The following PRKCA variants were observed in gnomAD, a reference collection of about 807,000 sequenced individuals.
The protein encoded by PRKCA is protein kinase C alpha type.
PRKCA carries 27 observed loss-of-function variants against 87.0 expected under a neutral mutation model. The ratio of observed to expected loss-of-function variants is 0.31; its 90% CI spans 0.23 to 0.43. The LOEUF (loss-of-function observed/expected upper bound fraction) is 0.43. Ranked by LOEUF, PRKCA falls within the 20% of genes least tolerant of loss-of-function variation. PRKCA has a pLI of 1.00. For synonymous variants in PRKCA, 329 were observed against 311.1 expected, an observed-to-expected ratio of 1.06 and a Z score of -0.61; for missense variants, 518 against 852.3, an observed-to-expected ratio of 0.61 and a Z score of 4.88.
chr17:66,459,278 G>A (rs1191427648), intron 2 of PRKCA, among the ~76,000 whole-genome samples: 1 of 152,040 alleles, frequency 6.6e-6, no homozygotes, highest in Non-Finnish European at 1.5e-5. Context: ...CTACTCAGGA[G>A]GCTGAGGCAG....
intron 2 of PRKCA, among the ~76,000 whole-genome samples, chr17:66,468,248 A>G (rs1023359873): frequency 2.0e-5 from 3 of 152,214 alleles, no homozygotes; most frequent in African/African-American, 7.2e-5. Flanking sequence ...AAAAAGATAT[A>G]CAGGTGAAAA....
intron 8 of PRKCA, among the ~76,000 whole-genome samples, chr17:66,719,564 C>G (rs1456909857): frequency 6.6e-6 from 1 of 152,162 alleles, no homozygotes; most frequent in Non-Finnish European, 1.5e-5. Flanking sequence ...GTCAGGACCT[C>G]GAGACCAGCC....
At chr17:66,733,148 CAAA>C (rs34064109) in intron 9 of PRKCA, among the ~76,000 whole-genome samples, 27 of 99,362 alleles carry the variant, frequency 2.7e-4, no homozygotes, top group Non-Finnish European at 2.7e-4. Flanking sequence ...GACTCCGTCT[CAAA>C]AAAAAAAAAA....
chr17:66,306,846 G>A (rs186032307), intron 2 of PRKCA, among the ~76,000 whole-genome samples: 1 of 152,238 alleles, frequency 6.6e-6, no homozygotes, highest in Admixed American at 6.5e-5. Context: ...AGCTTGTGAA[G>A]GCATCACAGG....
intron 13 of PRKCA, among the ~76,000 whole-genome samples, chr17:66,747,649 T>C (rs1206816100): frequency 6.6e-6 from 1 of 152,174 alleles, no homozygotes; most frequent in Non-Finnish European, 1.5e-5. Flanking sequence ...ATTGTCTCCA[T>C]AGATATGGGA....
intron 8 of PRKCA, among the ~76,000 whole-genome samples, chr17:66,710,769 C>T (rs914219475): frequency 6.6e-6 from 1 of 152,072 alleles, no homozygotes; most frequent in African/African-American, 2.4e-5. Context: ...GTGGCTCACA[C>T]CTGTAATCCC....
At chr17:66,789,147 G>A (rs1015534128) in intron 16 of PRKCA, among the ~76,000 whole-genome samples, 168 bp downstream of exon 16, 3 of 152,210 alleles carry the variant, frequency 2.0e-5, no homozygotes, top group East Asian at 1.9e-4. Flanking sequence ...CTCAGCAGCC[G>A]GGATTCCTGC....
At chr17:66,426,892 A>C (rs9900927) in intron 2 of PRKCA, among the ~76,000 whole-genome samples, 129,132 of 152,146 alleles carry the variant, frequency 0.85, 55,571 homozygotes, top group South Asian at 0.96. Context: ...GGAAACAGGA[A>C]CTTCGTAGGT....
intron 13 of PRKCA, among the ~76,000 whole-genome samples, chr17:66,761,865 C>T (rs1372469306): frequency 6.6e-6 from 1 of 152,040 alleles, no homozygotes; most frequent in East Asian, 1.9e-4. Flanking sequence ...GTTTGGTAAT[C>T]TGTGATACCT....
chr17:66,799,475 G>A (rs865822113), intron 16 of PRKCA, among the ~76,000 whole-genome samples: 4 of 33,842 alleles, frequency 1.2e-4, no homozygotes, highest in Non-Finnish European at 1.4e-4. Context: ...GGTGATGGTG[G>A]TGGTGGTGAT....
chr17:66,399,321 T>C, intron 2 of PRKCA, among the ~76,000 whole-genome samples: 1 of 152,078 alleles, frequency 6.6e-6, no homozygotes, highest in Non-Finnish European at 1.5e-5. Flanking sequence ...GCTCAAGTGA[T>C]CCGCCCACAT....
At position 66,809,698 on chromosome 17, in the gene PRKCA, T is replaced by C. The variant is rs1324271870; in HGVS notation, c.*5661T>C. The C allele has an allele frequency of 2.6e-5, 4 of 152,086 alleles. No homozygotes were observed. Among genetic ancestry groups the C allele is most frequent in the Admixed American group, 2.0e-4 (3 of 15,278 alleles). The allele number at this position is 152,086 out of a possible 1,614,324, so 9.4% of individuals were successfully genotyped here. On this transcript the variant is annotated 3_prime_UTR_variant, in exon 17 of 17. Transcript: ENST00000413366. ...CAGGTGGAACTTGGCCGACTGATGC[T>C]CTGCGAGTTTTTAATAGACACTGGG...
chr17:66,649,547 A>G (rs1433808943), intron 5 of PRKCA, among the ~76,000 whole-genome samples: 1 of 152,258 alleles, frequency 6.6e-6, no homozygotes, highest in Non-Finnish European at 1.5e-5. Flanking sequence ...TACAAGGTGG[A>G]AAGTGATGTA....
At chr17:66,399,173 G>T (rs373174859) in intron 2 of PRKCA, among the ~76,000 whole-genome samples, 1 of 148,214 alleles carries the variant, frequency 6.7e-6, no homozygotes, top group African/African-American at 2.5e-5. Context: ...ATCGCGGCTC[G>T]CTGTACCCTC....
At position 66,788,900 on chromosome 17, in the gene PRKCA, G is replaced by A; in HGVS notation, c.1775G>A (p.Arg592Lys). ...GGGCCTGAGGGGGAGAGGGACGTGA[G>A]AGAGCATGCCTTCTTCCGGAGGATC... is the stretch of plus-strand genomic sequence containing the variant. ...GCGPEGERDV[R>K]EHAFFRRIDW... The change falls in exon 16 of 17, where the codon AGA becomes AAA. Residue 592 changes from arginine to lysine, a missense_variant. This residue lies in a region of PRKCA where 159 missense variants were observed against 232.4 expected (regional missense o/e 0.68). Transcript: ENST00000413366. The A allele has an allele frequency of 6.2e-7, 1 of 1,614,166 alleles. No individual in the cohort carries two copies. The highest frequency in any genetic ancestry group is 8.5e-7 in the Non-Finnish European group (1 of 1,180,022).
intron 16 of PRKCA, chr17:66,796,376 C>T (rs908179388): frequency 3.2e-6 from 3 of 943,600 alleles, no homozygotes; most frequent in Admixed American, 6.2e-5. Context: ...TGTCCATTCC[C>T]GATTCTGGAC....
intron 8 of PRKCA, among the ~76,000 whole-genome samples, chr17:66,724,295 CAAA>C (rs11445685): frequency 7.3e-6 from 1 of 137,266 alleles, no homozygotes; most frequent in African/African-American, 2.7e-5. Context: ...GACTCCATCT[CAAA>C]AAAAAAAAAA....
chr17:66,426,900 G>C (rs1308607362), intron 2 of PRKCA, among the ~76,000 whole-genome samples: 2 of 152,184 alleles, frequency 1.3e-5, no homozygotes, highest in African/African-American at 4.8e-5. Context: ...GAACTTCGTA[G>C]GTGGTTGAGT....
At chr17:66,550,024 G>A (rs1170755706) in intron 3 of PRKCA, among the ~76,000 whole-genome samples, 1 of 152,098 alleles carries the variant, frequency 6.6e-6, no homozygotes, top group African/African-American at 2.4e-5. Flanking sequence ...AGACCCCTGG[G>A]TACTTGCATC....
Sources: gnomAD v4.1 joint callset for allele counts (sites outside exome capture counted in the v4.1 genomes callset) on GRCh38, gnomAD v4.1.1 for gene constraint, gnomAD v4.1.1 regional missense constraint, MANE v1.5 for transcripts, NCBI Gene and HGNC (gene_info 2026-07-23, HGNC 2026-07-21) for gene names.